FNDC4: variants seen among roughly 807,000 people sequenced by gnomAD.
The protein encoded by FNDC4 is fibronectin type III domain-containing protein 4.
In FNDC4, 11 loss-of-function variants were observed where a neutral mutation model predicts 25.1. That is an observed-to-expected ratio of 0.44 (90% CI 0.28 to 0.73). The LOEUF is 0.73. Among genes scored for constraint, FNDC4 ranks in the 30% least tolerant of loss-of-function variants. The pLI, the probability that FNDC4 is intolerant of heterozygous loss-of-function variation, is 0.16. For synonymous variants in FNDC4, 136 were observed against 118.8 expected (o/e 1.14, Z -0.94); for missense variants, 250 against 304.3 (o/e 0.82, Z 1.33).
rs1669272410 is a variant in FNDC4, at chr2:27,492,135, T to A, written c.*308A>T. On this transcript the variant is annotated 3_prime_UTR_variant, in exon 7 of 7. Transcript: ENST00000264703. This position sits in a 1 kb window ranked among gnomAD's most constrained non-coding sequence, Gnocchi z 4.1. Reference sequence around the variant, plus strand: ...CAGCTGGGGATGCTCAGAGTCCTGATACAGGTGAAATGGGGCCCCCATTTG... The same window carrying A: ...CAGCTGGGGATGCTCAGAGTCCTGAAACAGGTGAAATGGGGCCCCCATTTG... The A allele has an allele frequency of 4.4e-6, 2 of 452,300 alleles. No homozygotes were observed. Among genetic ancestry groups the A allele is most frequent in the Admixed American group, 7.0e-5 (2 of 28,400 alleles). The allele number at this position is 452,300 out of a possible 1,614,324, so 28.0% of individuals were successfully genotyped here.
rs1669290253 is a variant in FNDC4 at position 27,492,876 on chromosome 2, A to G, written c.545-86T>C. 2 of 1,520,984 alleles carry G rather than the reference A, an allele frequency of 1.3e-6. No individual in the cohort carries two copies. The highest frequency in any genetic ancestry group is 1.8e-6 in the Non-Finnish European group (2 of 1,107,080). 94.2% of individuals were successfully genotyped at this position (1,520,984 alleles called of 1,614,324 possible). ...CGTAGCTTCTAGAAAATCCATGAAG[A>G]ACATCCTGAATTCCTGGTGCCCATG... is the stretch of plus-strand genomic sequence containing the variant. On this transcript the variant is annotated intron_variant, in intron 5 of 6. Coordinates refer to ENST00000264703, the MANE Select transcript of FNDC4 (RefSeq NM_022823.3). The surrounding 1 kb of genome is among the most constrained non-coding windows in gnomAD (Gnocchi z 4.1).
At position 27,492,656 on chromosome 2, in the gene FNDC4, C is replaced by T. The variant is rs764054863; in HGVS notation, c.669+10G>A. 1.2e-6 allele frequency: 2 copies of T among 1,614,106 alleles called. No individual in the cohort carries two copies. The highest frequency in any genetic ancestry group is 8.5e-7 in the Non-Finnish European group (1 of 1,180,010). On this transcript the variant is annotated intron_variant, in intron 6 of 6. Transcript: ENST00000264703. The surrounding 1 kb of genome is among the most constrained non-coding windows in gnomAD (Gnocchi z 4.1). ...ATCACCCTTTCCGCCCTCACTGGCC[C>T]CCACATCACCTGTCTTGTCCCCACT...
rs778690443 is a variant in FNDC4 at position 27,492,454 on chromosome 2, T to C, written c.694A>G (p.Ile232Val). ...GTGTGTTTCTTCACTCAAACGTCGA[T>C]GGTGTTGATAGATGGTGACTTTTTC... ...RQKKSPSINT[I>V]DV The change falls in exon 7 of 7, where the codon ATC (isoleucine) becomes GTC (valine). Residue 232 changes from isoleucine (I) to valine (V), a missense_variant. Transcript: ENST00000264703. This position sits in a 1 kb window ranked among gnomAD's most constrained non-coding sequence, Gnocchi z 4.1. 4 of 1,614,160 alleles carry C rather than the reference T, an allele frequency of 2.5e-6. No homozygotes were observed. Among genetic ancestry groups the C allele is most frequent in the East Asian group, 2.2e-5 (1 of 44,880 alleles).
At position 27,492,451 on chromosome 2, in the gene FNDC4, C is replaced by T. The variant is rs753394525; in HGVS notation, c.697G>A (p.Asp233Asn). The change falls in exon 7 of 7, where the codon GAC (aspartate) becomes AAC (asparagine). Residue 233 changes from aspartate to asparagine, a missense_variant. By Grantham distance (23) the Asp-to-Asn change is conservative (BLOSUM62 1). Transcript: ENST00000264703. The surrounding 1 kb of genome is among the most constrained non-coding windows in gnomAD (Gnocchi z 4.1). ...QKKSPSINTI[D>N]V is the part of the protein sequence containing the mutation. Reference sequence around the variant, plus strand: ...TGGGTGTGTTTCTTCACTCAAACGTCGATGGTGTTGATAGATGGTGACTTT... The same window carrying T: ...TGGGTGTGTTTCTTCACTCAAACGTTGATGGTGTTGATAGATGGTGACTTT... The T allele has an allele frequency of 6.2e-6, 10 of 1,613,970 alleles. No individual in the cohort carries two copies. In the East Asian group the frequency reaches 6.7e-5, roughly 11 times the overall value.
chr2:27,493,960 CAGAACCCTTGAG>C lies in FNDC4; in HGVS notation c.412_423del (p.Leu138_Ser141del). 1 of 1,614,248 alleles carries C rather than the reference CAGAACCCTTGAG, an allele frequency of 6.2e-7. No homozygotes were observed. The stretch of plus-strand genomic sequence containing the variant: ...CTTGAACTGTTTGAAGGTAGCCGGT[CAGAACCCTTGAG>C]AGTTCGGAAGTGCACCCGGGGCCCT... On this transcript the variant is annotated inframe_deletion, in exon 4 of 7. Transcript: ENST00000264703.
At position 27,492,371 on chromosome 2, in the gene FNDC4, T is replaced by C. The variant is rs539551807; in HGVS notation, c.*72A>G. On this transcript the variant is annotated 3_prime_UTR_variant, in exon 7 of 7. Coordinates refer to ENST00000264703, the MANE Select transcript of FNDC4 (RefSeq NM_022823.3). This position sits in a 1 kb window ranked among gnomAD's most constrained non-coding sequence, Gnocchi z 4.1. ...TCTGGGAGTCTCGGGCAGATCACCATCTTGGGCTCCCCCTGACCCCATCCC... is the reference window on the plus strand; with the variant it reads ...TCTGGGAGTCTCGGGCAGATCACCACCTTGGGCTCCCCCTGACCCCATCCC... 1 of 1,586,864 alleles carries C rather than the reference T, an allele frequency of 6.3e-7. No individual in the cohort carries two copies. Among genetic ancestry groups the C allele is most frequent in the Non-Finnish European group, 8.7e-7 (1 of 1,155,216 alleles).
intron 5 of FNDC4, 77 bp downstream of exon 5, chr2:27,493,312 C>T: frequency 8.2e-7 from 1 of 1,222,220 alleles, no homozygotes; most frequent in African/African-American, 1.5e-5. Context: ...GTATCTCTCA[C>T]TTCTTTTTCT....
Position 27,494,246 on chromosome 2 carries a change from C to A in FNDC4, c.249+105G>T, listed in dbSNP as rs1478382606. 1.4e-6 allele frequency: 2 copies of A among 1,386,716 alleles called. No individual in the cohort carries two copies. The highest frequency in any genetic ancestry group is 2.0e-6 in the Non-Finnish European group (2 of 989,736). 85.9% of individuals were successfully genotyped at this position (1,386,716 alleles called of 1,614,324 possible). Reference sequence around the variant, plus strand: ...CTCCGGGGGAGTAGCGTGAAAAGGGCAGCCTGAGCCAGGATACGCCAGCTT... The same window carrying A: ...CTCCGGGGGAGTAGCGTGAAAAGGGAAGCCTGAGCCAGGATACGCCAGCTT... On this transcript the variant is annotated intron_variant, in intron 3 of 6. Coordinates refer to ENST00000264703, the MANE Select transcript of FNDC4 (RefSeq NM_022823.3). This position sits in a 1 kb window ranked among gnomAD's most constrained non-coding sequence, Gnocchi z 4.6.
At chr2:27,493,005 CTTTT>C (rs35996315) in intron 5 of FNDC4, among the ~76,000 whole-genome samples, 2 of 107,186 alleles carry the variant, frequency 1.9e-5, no homozygotes, top group Admixed American at 1.1e-4. Flanking sequence ...ATTTCTCTTA[CTTTT>C]TTTTTTTTTT....
chr2:27,494,987 C>A lies in FNDC4; in HGVS notation c.-134G>T. ...CCCCTACCCCATCCCGGCGCGGGCC[C>A]GGCGACGCGGGCAGCGCGGGGCCGA... On this transcript the variant is annotated 5_prime_UTR_variant, in exon 1 of 7. Transcript: ENST00000264703. This position sits in a 1 kb window ranked among gnomAD's most constrained non-coding sequence, Gnocchi z 4.6. The A allele has an allele frequency of 4.8e-6, 1 of 207,720 alleles. No homozygotes were observed. The highest frequency in any genetic ancestry group is 9.5e-6 in the Non-Finnish European group (1 of 105,116). 12.9% of individuals were successfully genotyped at this position (207,720 alleles called of 1,614,324 possible).
Position 27,492,176 on chromosome 2 carries a change from G to A in FNDC4, c.*267C>T. On this transcript the variant is annotated 3_prime_UTR_variant, in exon 7 of 7. Transcript: ENST00000264703. The surrounding 1 kb of genome is among the most constrained non-coding windows in gnomAD (Gnocchi z 4.1). ...CCCCCATTTGGGACCTAATGGAGTA[G>A]GGTACAACTAGTGACTCTCCCCTGG... 3.7e-6 allele frequency: 2 copies of A among 546,210 alleles called. No homozygotes were observed. The highest frequency in any genetic ancestry group is 6.6e-6 in the Non-Finnish European group (2 of 305,190). The allele number at this position is 546,210 out of a possible 1,614,324, so 33.8% of individuals were successfully genotyped here.
Position 27,494,329 on chromosome 2 carries a change from G to C in FNDC4, c.249+22C>G. 1.3e-6 allele frequency: 2 copies of C among 1,581,330 alleles called. No homozygotes were observed. Among genetic ancestry groups the C allele is most frequent in the South Asian group, 1.1e-5 (1 of 90,306 alleles). On this transcript the variant is annotated intron_variant, in intron 3 of 6. Coordinates refer to ENST00000264703, the MANE Select transcript of FNDC4 (RefSeq NM_022823.3). This position sits in a 1 kb window ranked among gnomAD's most constrained non-coding sequence, Gnocchi z 4.6. ...CCGAAATCCAAGGACACAGGTTGGG[G>C]GAGCAGAAGGGTGATTCATACTTGC...
Position 27,494,642 on chromosome 2 carries a change from A to T in FNDC4, c.38T>A (p.Leu13His). The change falls in exon 2 of 7, where the codon CTC (leucine) becomes CAC (histidine). Residue 13 changes from leucine to histidine, a missense_variant. Coordinates refer to ENST00000264703, the MANE Select transcript of FNDC4 (RefSeq NM_022823.3). This position sits in a 1 kb window ranked among gnomAD's most constrained non-coding sequence, Gnocchi z 4.6. ...CACCAGCGAAGCCATGTCCCCACGG[A>T]GTCCGCTGGGGGGGGAACTGTGGCA... Reference protein sequence around the residue: ...SGCHSSPPSGLRGDMASLVPL... With the variant: ...SGCHSSPPSGHRGDMASLVPL... 2.5e-6 allele frequency: 4 copies of T among 1,595,572 alleles called. No individual in the cohort carries two copies. Among genetic ancestry groups the T allele is most frequent in the Non-Finnish European group, 3.4e-6 (4 of 1,172,366 alleles).
At position 27,494,827 on chromosome 2, in the gene FNDC4, C is replaced by T. The variant is rs1669344900; in HGVS notation, c.-25+51G>A. 2 of 572,792 alleles carry T rather than the reference C, an allele frequency of 3.5e-6. No homozygotes were observed. Among genetic ancestry groups the T allele is most frequent in the East Asian group, 5.9e-5 (2 of 33,986 alleles). The allele number at this position is 572,792 out of a possible 1,614,324, so 35.5% of individuals were successfully genotyped here. A position where few individuals can be genotyped will look rare whatever the true frequency, so the allele number is the denominator to read the frequency against. On this transcript the variant is annotated intron_variant, in intron 1 of 6. Transcript: ENST00000264703. The surrounding 1 kb of genome is among the most constrained non-coding windows in gnomAD (Gnocchi z 4.6). ...CCTATTTTCTCTACGCCCTCCCGCC[C>T]CCGCATTGCCCGGGCGGCCCCAGAG... is the stretch of plus-strand genomic sequence containing the variant.
In FNDC4 at chr2:27,492,071, G is replaced by A; in HGVS notation, c.*372C>T. Reference sequence around the variant, plus strand: ...TGCTGGGGTAAGAGGAGTACCCACAGAAACACCCCTCTCTGAGGGCCAGAG... The same window carrying A: ...TGCTGGGGTAAGAGGAGTACCCACAAAAACACCCCTCTCTGAGGGCCAGAG... On this transcript the variant is annotated 3_prime_UTR_variant, in exon 7 of 7. Transcript: ENST00000264703. The surrounding 1 kb of genome is among the most constrained non-coding windows in gnomAD (Gnocchi z 4.1). 3.2e-6 allele frequency: 1 copy of A among 308,450 alleles called. No individual in the cohort carries two copies. Among genetic ancestry groups the A allele is most frequent in the Non-Finnish European group, 6.1e-6 (1 of 163,636 alleles). The allele number at this position is 308,450 out of a possible 1,614,324, so 19.1% of individuals were successfully genotyped here. A position where few individuals can be genotyped will look rare whatever the true frequency, so the allele number is the denominator to read the frequency against.
intron 5 of FNDC4, among the ~76,000 whole-genome samples, chr2:27,493,078 G>A (rs907724864): frequency 7.2e-6 from 1 of 139,824 alleles, no homozygotes; most frequent in Non-Finnish European, 1.5e-5. Flanking sequence ...GCATGATCTC[G>A]GCTCGCTCAC....
chr2:27,494,758 C>T lies in FNDC4; in HGVS notation c.-24-55G>A, dbSNP rs1187040429. On this transcript the variant is annotated intron_variant, in intron 1 of 6. Transcript: ENST00000264703. The surrounding 1 kb of genome is among the most constrained non-coding windows in gnomAD (Gnocchi z 4.6). ...AGGACTGCCCAGAACGCACGGAGGT[C>T]GGGGGGCAGCAGCTCTCCTGGGCTC... 1 of 816,548 alleles carries T rather than the reference C, an allele frequency of 1.2e-6. No individual in the cohort carries two copies. Among genetic ancestry groups the T allele is most frequent in the Non-Finnish European group, 1.9e-6 (1 of 530,126 alleles). 50.6% of individuals were successfully genotyped at this position (816,548 alleles called of 1,614,324 possible).
At position 27,494,649 on chromosome 2, in the gene FNDC4, T is replaced by TG. The variant is rs771665646; in HGVS notation, c.30dup (p.Ser11GlnfsTer28). On this transcript the variant is annotated frameshift_variant, in exon 2 of 7. Transcript: ENST00000264703. LOFTEE classifies it high-confidence loss of function. This position sits in a 1 kb window ranked among gnomAD's most constrained non-coding sequence, Gnocchi z 4.6. Reference sequence around the variant, plus strand: ...GAAGCCATGTCCCCACGGAGTCCGCTGGGGGGGGAACTGTGGCATCCGCTT... The same window carrying TG: ...GAAGCCATGTCCCCACGGAGTCCGCTGGGGGGGGGAACTGTGGCATCCGCTT... 6.8e-4 allele frequency: 1,075 copies of TG among 1,580,718 alleles called. 5 individuals carry two copies. Among genetic ancestry groups the TG allele is most frequent in the East Asian group, 2.4e-3 (104 of 44,028 alleles).
At position 27,494,816 on chromosome 2, in the gene FNDC4, G is replaced by T; in HGVS notation, c.-25+62C>A. On this transcript the variant is annotated intron_variant, in intron 1 of 6. Transcript: ENST00000264703. The surrounding 1 kb of genome is among the most constrained non-coding windows in gnomAD (Gnocchi z 4.6). ...CTCACAACAGCCCTATTTTCTCTAC[G>T]CCCTCCCGCCCCCGCATTGCCCGGG... 1 of 588,828 alleles carries T rather than the reference G, an allele frequency of 1.7e-6. No individual in the cohort carries two copies. The highest frequency in any genetic ancestry group is 3.0e-6 in the Non-Finnish European group (1 of 336,982). The allele number at this position is 588,828 out of a possible 1,614,324, so 36.5% of individuals were successfully genotyped here.
Sources: gnomAD v4.1 joint callset for allele counts (sites outside exome capture counted in the v4.1 genomes callset) on GRCh38, gnomAD v4.1.1 for gene constraint, Gnocchi (gnomAD v3.1) non-coding constraint, MANE v1.5 for transcripts, NCBI Gene and HGNC (gene_info 2026-07-23, HGNC 2026-07-21) for gene names.